ZC3H12B: variants seen among roughly 807,000 people sequenced by gnomAD.
ZC3H12B encodes zinc finger CCCH-type containing 12B, also known as probable ribonuclease ZC3H12B.
In ZC3H12B, 7 loss-of-function variants were observed where a neutral mutation model predicts 43.9. The observed-to-expected ratio is 0.16, with a 90% CI of 0.09 to 0.30. The LOEUF is 0.30. Among genes scored for constraint, ZC3H12B ranks in the 10% least tolerant of loss-of-function variants. ZC3H12B has a pLI of 1.00. For synonymous variants in ZC3H12B, 222 were observed against 241.7 expected, an observed-to-expected ratio of 0.92 and a Z score of 0.76; for missense variants, 475 against 670.2, an observed-to-expected ratio of 0.71 and a Z score of 3.22.
chrX:65,060,486 A>T, the ZC3H12B span, among the ~76,000 whole-genome samples: 1 of 111,988 alleles, frequency 8.9e-6, no homozygotes, highest in African/African-American at 3.2e-5. Flanking sequence ...CATTCTGTTG[A>T]TACGATGTAT....
At chrX:65,090,835 A>AT in the ZC3H12B span, among the ~76,000 whole-genome samples, 1 of 111,278 alleles carries the variant, frequency 9.0e-6, no homozygotes, top group Admixed American at 9.6e-5. Context: ...ATGGAAGCAG[A>AT]TTTTTTATGA....
At chrX:65,500,050 A>G in intron 4 of ZC3H12B, 61 bp downstream of exon 9, 1 of 897,609 alleles carries the variant, frequency 1.1e-6, no homozygotes, top group Non-Finnish European at 1.6e-6. Context: ...TTCTGTGAAC[A>G]CTTTTCTCTT....
At chrX:65,179,185 C>A in the ZC3H12B span, among the ~76,000 whole-genome samples, 2 of 109,638 alleles carry the variant, frequency 1.8e-5, no homozygotes, top group African/African-American at 6.7e-5. Context: ...CACGTTCTCA[C>A]TCATAAGTGG....
At chrX:65,454,427 G>T (rs750044414) in intron 3 of ZC3H12B, among the ~76,000 whole-genome samples, 93 of 112,229 alleles carry the variant, frequency 8.3e-4, no homozygotes, top group Admixed American at 1.5e-3. Flanking sequence ...CAGTGAGGCA[G>T]GGGGAGGGGC....
the ZC3H12B span, among the ~76,000 whole-genome samples, chrX:65,121,575 A>G: frequency 1.9e-3 from 208 of 110,518 alleles, no homozygotes; most frequent in African/African-American, 6.5e-3. Flanking sequence ...CAGTCTATCA[A>G]TTTTGTTGAT....
At chrX:65,420,072 C>A (rs907335864) in intron 3 of ZC3H12B, among the ~76,000 whole-genome samples, 1 of 112,218 alleles carries the variant, frequency 8.9e-6, no homozygotes, top group African/African-American at 3.2e-5. Context: ...GCCAGGCCAG[C>A]TTTCATAGAC....
At chrX:65,059,060 C>T in the ZC3H12B span, among the ~76,000 whole-genome samples, 5 of 111,761 alleles carry the variant, frequency 4.5e-5, no homozygotes, top group East Asian at 1.1e-3. Flanking sequence ...TTGGCTCACG[C>T]TTGGTGCACT....
At chrX:65,088,471 A>C in the ZC3H12B span, among the ~76,000 whole-genome samples, 1 of 111,607 alleles carries the variant, frequency 9.0e-6, no homozygotes, top group African/African-American at 3.3e-5. Context: ...AGCAACTTCT[A>C]GTCCTGCAAG....
the ZC3H12B span, among the ~76,000 whole-genome samples, chrX:65,059,658 T>C: frequency 1.8e-5 from 2 of 111,635 alleles, no homozygotes; most frequent in Non-Finnish European, 3.8e-5. Context: ...TCAGGTAATG[T>C]GATTCCTCTA....
rs758689108 is a variant in ZC3H12B, at chrX:65,472,581, A to G, written n.408-16065A>G. The stretch of plus-strand genomic sequence containing the variant: ...ATCTTATGTTTAAGTCTTTAATCCA[A>G]TTTGAGTTGGTTTTTGTATAGTATG... On this transcript the variant is annotated intron_variant and non_coding_transcript_variant, in intron 3 of 5. Coordinates refer to the ZC3H12B transcript ENST00000617377. Among the ~76,000 whole-genome samples, 10 of 108,060 alleles carry G rather than the reference A, an allele frequency of 9.3e-5. No homozygotes were observed. In the East Asian group the frequency reaches 2.6e-3, roughly 28 times the overall value. 93.8% of individuals were successfully genotyped at this position (108,060 alleles called of 115,157 possible).
At chrX:65,147,581 G>A in the ZC3H12B span, among the ~76,000 whole-genome samples, 1 of 111,491 alleles carries the variant, frequency 9.0e-6, no homozygotes, top group East Asian at 2.8e-4. Flanking sequence ...ACTGGGACAG[G>A]CCTGGAGCTT....
At chrX:65,347,800 G>A in the ZC3H12B span, among the ~76,000 whole-genome samples, 1 of 112,007 alleles carries the variant, frequency 8.9e-6, no homozygotes, top group Non-Finnish European at 1.9e-5. Flanking sequence ...TGTTTATTGT[G>A]GCACTATTCA....
intron 2 of ZC3H12B, among the ~76,000 whole-genome samples, chrX:65,382,007 CG>C (rs1166611308): frequency 1.8e-5 from 2 of 111,683 alleles, no homozygotes. Context: ...GATTCACAGC[CG>C]ATTCTACCAG....
chrX:65,196,441 G>A, the ZC3H12B span, among the ~76,000 whole-genome samples: 63 of 111,322 alleles, frequency 5.7e-4, no homozygotes, highest in Non-Finnish European at 1.0e-3. Flanking sequence ...GTTTTATCAT[G>A]GGACAACAGT....
chrX:65,165,854 C>T, the ZC3H12B span, among the ~76,000 whole-genome samples: 1 of 111,869 alleles, frequency 8.9e-6, no homozygotes, highest in Non-Finnish European at 1.9e-5. Flanking sequence ...GGTTCTAGAT[C>T]CTTCAGGAAT....
the ZC3H12B span, among the ~76,000 whole-genome samples, chrX:65,245,994 G>T: frequency 9.0e-6 from 1 of 111,319 alleles, no homozygotes; most frequent in Non-Finnish European, 1.9e-5. Context: ...CAGGAGACAT[G>T]ATTCTATATT....
At chrX:65,197,498 G>A in the ZC3H12B span, among the ~76,000 whole-genome samples, 1 of 112,197 alleles carries the variant, frequency 8.9e-6, no homozygotes, top group African/African-American at 3.2e-5. Context: ...TAAAGGGAGA[G>A]ACATTACAAA....
chrX:65,374,045 G>GTA (rs1285984442), intron 2 of ZC3H12B, among the ~76,000 whole-genome samples: 7 of 52,413 alleles, frequency 1.3e-4, no homozygotes, highest in African/African-American at 5.7e-4. Flanking sequence ...TATATATACA[G>GTA]TATATATAAC....
the ZC3H12B span, among the ~76,000 whole-genome samples, chrX:65,327,326 G>C: frequency 4.5e-5 from 5 of 111,111 alleles, no homozygotes; most frequent in Admixed American, 9.6e-5. Flanking sequence ...GTGTAATACT[G>C]TTTAGCTTTT....
Sources: allele counts gnomAD v4.1 joint callset (sites outside exome capture counted in the v4.1 genomes callset), GRCh38; gene constraint gnomAD v4.1.1; transcripts MANE v1.5; gene names NCBI Gene and HGNC (gene_info 2026-07-23, HGNC 2026-07-21).